The following HID1 variants were observed in gnomAD, a reference collection of about 807,000 sequenced individuals.
HID1 encodes the protein HID1 domain containing.
HID1 carries 42 observed loss-of-function variants against 89.7 expected under a neutral mutation model. That is an observed-to-expected ratio of 0.47 (90% CI 0.37 to 0.61). The LOEUF is 0.61. Among genes scored for constraint, HID1 ranks in the 20% least tolerant of loss-of-function variants. The pLI, the probability that HID1 is intolerant of heterozygous loss-of-function variation, is 0.00. For synonymous variants in HID1, 442 were observed against 433.8 expected, an observed-to-expected ratio of 1.02 and a Z score of -0.24; for missense variants, 854 against 1,039.3, an observed-to-expected ratio of 0.82 and a Z score of 2.45.
intron 14 of HID1, 65 bp downstream of exon 14, chr17:74,954,073 G>T: frequency 1.4e-6 from 2 of 1,442,652 alleles, no homozygotes; most frequent in South Asian, 2.4e-5. Flanking sequence ...GTGACACCCC[G>T]AGACCATGTC....
intron 1 of HID1, 141 bp from the exon 2 acceptor site, chr17:74,964,773 GTGGGGGACATACT>G (rs2039537751): frequency 1.2e-6 from 1 of 814,046 alleles, no homozygotes; most frequent in Non-Finnish European, 1.9e-6. Flanking sequence ...TCCCACATGG[GTGGGGGACATACT>G]TCAGCCACCA....
intron 1 of HID1, among the ~76,000 whole-genome samples, chr17:74,968,797 C>G (rs563908500): frequency 2.6e-4 from 39 of 152,344 alleles, no homozygotes; most frequent in South Asian, 1.0e-3. Flanking sequence ...GCTACTACCC[C>G]CTTCAAAGGG....
chr17:74,958,855 G>C lies in HID1; in HGVS notation c.1149+56C>G. 6.3e-7 allele frequency: 1 copy of C among 1,581,964 alleles called. No homozygotes were observed. Among genetic ancestry groups the C allele is most frequent in the African/African-American group, 1.3e-5 (1 of 74,192 alleles). On this transcript the variant is annotated intron_variant, in intron 9 of 18. Transcript: ENST00000425042. This position sits in a 1 kb window ranked among gnomAD's most constrained non-coding sequence, Gnocchi z 5.2. Reference sequence around the variant, plus strand: ...CAGTCTGACACTGTCCCTGCCCCCGGGTTATTGGGGCAGCTGCTCTCCATC... The same window carrying C: ...CAGTCTGACACTGTCCCTGCCCCCGCGTTATTGGGGCAGCTGCTCTCCATC...
intron 1 of HID1, 104 bp from the exon 2 acceptor site, chr17:74,964,736 C>T (rs1160447426): frequency 2.5e-6 from 3 of 1,223,364 alleles, no homozygotes; most frequent in Non-Finnish European, 3.4e-6. Flanking sequence ...AGCCAGAGTC[C>T]CCCTACCTGC....
At position 74,963,754 on chromosome 17, in the gene HID1, C is replaced by T. The variant is rs776669142; in HGVS notation, c.373G>A (p.Ala125Thr). ...RGFFWSTVPG[A>T]GRGGQGEEDD... ...GGCCCACAGACCCCTCCTCGCCCTG[C>T]CCCGGGCACTGTGGACCAGAAGAAG... Residue 125 changes from alanine to threonine, a missense_variant, in exon 3 of 19, where the codon GCA (alanine) becomes ACA (threonine). Ala to Thr is a moderately conservative substitution (Grantham distance 58, BLOSUM62 0). Transcript: ENST00000425042. The T allele has an allele frequency of 2.5e-6, 4 of 1,609,960 alleles. No homozygotes were observed. The highest frequency in any genetic ancestry group is 3.4e-6 in the Non-Finnish European group (4 of 1,178,230).
intron 17 of HID1, 64 bp downstream of exon 17, chr17:74,952,205 C>T: frequency 6.5e-7 from 1 of 1,545,728 alleles, no homozygotes. Context: ...CTGCCCACAC[C>T]ACCGGCCCCG....
chr17:74,958,803 G>A lies in HID1; in HGVS notation c.1150-40C>T. The A allele has an allele frequency of 6.2e-7, 1 of 1,605,362 alleles. No individual in the cohort carries two copies. The highest frequency in any genetic ancestry group is 2.2e-5 in the East Asian group (1 of 44,770). ...AGGGGCCAAGTGGGCTGAGTTCAAGGGAGGGGCAGCTCTGCCCCACCCCCC... is the reference window on the plus strand; with the variant it reads ...AGGGGCCAAGTGGGCTGAGTTCAAGAGAGGGGCAGCTCTGCCCCACCCCCC... On this transcript the variant is annotated intron_variant, in intron 9 of 18. Transcript: ENST00000425042. The surrounding 1 kb of genome is among the most constrained non-coding windows in gnomAD (Gnocchi z 5.2).
chr17:74,961,757 C>T (rs1242313856), intron 6 of HID1, 116 bp downstream of exon 6: 5 of 522,490 alleles, frequency 9.6e-6, no homozygotes, highest in African/African-American at 7.8e-5. Context: ...TAAAGTTCAT[C>T]ACCACCAGGG....
At chr17:74,961,717 C>CG in intron 6 of HID1, 156 bp downstream of exon 6, 1 of 410,046 alleles carries the variant, frequency 2.4e-6, no homozygotes, top group Non-Finnish European at 4.4e-6. Context: ...CAAGGAGAGA[C>CG]GGGGCTAGTG....
Position 74,958,254 on chromosome 17 carries a change from C to A in HID1, c.1393-35G>T. 6.2e-7 allele frequency: 1 copy of A among 1,607,818 alleles called. No individual in the cohort carries two copies. Among genetic ancestry groups the A allele is most frequent in the Non-Finnish European group, 8.5e-7 (1 of 1,177,234 alleles). On this transcript the variant is annotated intron_variant, in intron 11 of 18. Coordinates refer to ENST00000425042, the MANE Select transcript of HID1 (RefSeq NM_030630.3). This position sits in a 1 kb window ranked among gnomAD's most constrained non-coding sequence, Gnocchi z 5.2. Reference sequence around the variant, plus strand: ...GAGGGACAGAGGCACCGTGGGGTCCCCGCTGCCTCCAGACTCAGCCAAGAG... The same window carrying A: ...GAGGGACAGAGGCACCGTGGGGTCCACGCTGCCTCCAGACTCAGCCAAGAG...
At position 74,964,661 on chromosome 17, in the gene HID1, C is replaced by T. The variant is rs865988065; in HGVS notation, c.67-29G>A. ...TGGGGGGACCAAGGGTCCAGAGTTA[C>T]ACAACTCCTGGCCAGAGGGCCTACA... On this transcript the variant is annotated intron_variant, in intron 1 of 18. Transcript: ENST00000425042. 6.2e-6 allele frequency: 10 copies of T among 1,601,528 alleles called. 1 individual carries two copies. The Middle Eastern group carries it at 5.0e-4, about 80-fold the overall frequency.
rs902740659 is a variant in HID1, at chr17:74,954,347, T to C, written c.1655A>G (p.Tyr552Cys). 1 of 1,570,444 alleles carries C rather than the reference T, an allele frequency of 6.4e-7. No homozygotes were observed. Among genetic ancestry groups the C allele is most frequent in the Non-Finnish European group, 8.6e-7 (1 of 1,158,238 alleles). ...YQFDGNSNLV[Y>C]AIIRKRSIFH... The stretch of plus-strand genomic sequence containing the variant: ...GATGCTGCGCTTGCGGATGATGGCG[T>C]AGACCAGGTTGGAGTTGCCTGTGGG... The change falls in exon 14 of 19, where the codon TAC becomes TGC. Residue 552 changes from tyrosine to cysteine, a missense_variant. Physicochemically the swap from Tyr to Cys is radical, Grantham distance 194 (BLOSUM62 -2). Transcript: ENST00000425042.
chr17:74,966,592 A>G (rs1418034892), intron 1 of HID1, among the ~76,000 whole-genome samples: 1 of 152,048 alleles, frequency 6.6e-6, no homozygotes, highest in African/African-American at 2.4e-5. Flanking sequence ...CCCTGCTACC[A>G]CCACAAGCCT....
intron 3 of HID1, 81 bp from the exon 4 acceptor site, chr17:74,963,162 C>T: frequency 9.5e-7 from 1 of 1,051,862 alleles, no homozygotes; most frequent in Non-Finnish European, 1.4e-6. Context: ...TGGTGGAGGA[C>T]AGGGGCTGAG....
Position 74,959,740 on chromosome 17 carries a change from CA to C in HID1, c.1008+140del. The C allele has an allele frequency of 1.1e-6, 1 of 882,330 alleles. No individual in the cohort carries two copies. The highest frequency in any genetic ancestry group is 1.8e-6 in the Non-Finnish European group (1 of 549,936). 54.7% of individuals were successfully genotyped at this position (882,330 alleles called of 1,614,324 possible). The stretch of plus-strand genomic sequence containing the variant: ...CCCTTCCTGCATCTTGAAACCCTCA[CA>C]GTCCTGCCACTATTTCACCTAGGGT... On this transcript the variant is annotated intron_variant, in intron 8 of 18. Transcript: ENST00000425042. This position sits in a 1 kb window ranked among gnomAD's most constrained non-coding sequence, Gnocchi z 4.6.
At chr17:74,964,302 C>G (rs1470894040) in intron 2 of HID1, 181 bp downstream of exon 2, 2 of 668,804 alleles carry the variant, frequency 3.0e-6, no homozygotes, top group African/African-American at 1.8e-5. Flanking sequence ...AGGACTCCCC[C>G]ATAAATGACG....
intron 15 of HID1, 40 bp downstream of exon 15, chr17:74,953,505 G>A (rs759325513): frequency 6.4e-7 from 1 of 1,555,672 alleles, no homozygotes; most frequent in Non-Finnish European, 8.9e-7. Context: ...AGGAAGGGAA[G>A]GGCCAGCCAC....
chr17:74,956,595 T>C (rs1598619834), intron 12 of HID1, among the ~76,000 whole-genome samples: 1 of 151,416 alleles, frequency 6.6e-6, no homozygotes, highest in Admixed American at 6.6e-5. Context: ...AGCCAGAGAG[T>C]GAACCAGGAG....
At chr17:74,965,029 T>A (rs7217574) in intron 1 of HID1, among the ~76,000 whole-genome samples, 14 of 152,312 alleles carry the variant, frequency 9.2e-5, no homozygotes, top group Middle Eastern at 3.4e-3. Context: ...CCTCTCTCCA[T>A]GGGAAGAAGA....
Sources: allele counts gnomAD v4.1 joint callset (sites outside exome capture counted in the v4.1 genomes callset), GRCh38; gene constraint gnomAD v4.1.1; non-coding constraint Gnocchi (gnomAD v3.1); transcripts MANE v1.5; gene names NCBI Gene and HGNC (gene_info 2026-07-23, HGNC 2026-07-21).